Variants in LRRK1 observed in about 807,000 individuals in gnomAD.
The protein encoded by LRRK1 is leucine rich repeat kinase 1.
LRRK1 carries 113 observed loss-of-function variants against 209.1 expected under a neutral mutation model. The observed-to-expected ratio is 0.54, with a 90% confidence interval of 0.46 to 0.63. The LOEUF (loss-of-function observed/expected upper bound fraction) is 0.63. Ranked by LOEUF, LRRK1 falls within the 30% of genes least tolerant of loss-of-function variation. The pLI is 0.00. For missense variants in LRRK1, 2,284 were observed against 2,632.2 expected, an observed-to-expected ratio of 0.87 and a Z score of 2.89; for synonymous variants, 1,144 against 1,099.7, an observed-to-expected ratio of 1.04 and a Z score of -0.80.
intron 2 of LRRK1, among the ~76,000 whole-genome samples, chr15:100,952,624 C>A (rs78409503): frequency 0.067 from 10,161 of 151,768 alleles, 598 homozygotes; most frequent in African/African-American, 0.16. Context: ...CTCACAGGAC[C>A]TGACTCCTGC....
intron 20 of LRRK1, among the ~76,000 whole-genome samples, chr15:101,032,409 C>T (rs1046358961): frequency 3.3e-5 from 5 of 151,662 alleles, no homozygotes; most frequent in African/African-American, 1.2e-4. Context: ...AGGTGTATCT[C>T]CTAATGCTAT....
chr15:101,031,502 C>T (rs888854549), intron 20 of LRRK1, among the ~76,000 whole-genome samples: 2 of 152,204 alleles, frequency 1.3e-5, no homozygotes, highest in Non-Finnish European at 2.9e-5. Flanking sequence ...TGTTTATCCA[C>T]TCAGCTCTTG....
At chr15:101,009,434 G>C (rs1392664255) in intron 7 of LRRK1, among the ~76,000 whole-genome samples, 5 of 152,186 alleles carry the variant, frequency 3.3e-5, no homozygotes, top group Non-Finnish European at 5.9e-5. Flanking sequence ...AAGGGCCTCA[G>C]AGAAAGGGTT....
chr15:100,975,217 G>A (rs1285794528), intron 3 of LRRK1, among the ~76,000 whole-genome samples: 2 of 152,250 alleles, frequency 1.3e-5, no homozygotes, highest in African/African-American at 4.8e-5. Context: ...GGGAGGAGCT[G>A]GGCAGCAAAC....
chr15:100,965,972 A>C (rs2030428360), intron 2 of LRRK1, among the ~76,000 whole-genome samples: 1 of 152,220 alleles, frequency 6.6e-6, no homozygotes, highest in Non-Finnish European at 1.5e-5. Context: ...TGTTATTGAA[A>C]TAGAATGTTT....
At chr15:101,051,352 G>A (rs1045082777) in intron 23 of LRRK1, among the ~76,000 whole-genome samples, 19 of 152,320 alleles carry the variant, frequency 1.2e-4, no homozygotes, top group Admixed American at 1.0e-3. Context: ...CCCCACTGCC[G>A]TGATGGTTGG....
chr15:101,005,577 C>T (rs1466572542), intron 6 of LRRK1, among the ~76,000 whole-genome samples: 1 of 152,220 alleles, frequency 6.6e-6, no homozygotes, highest in African/African-American at 2.4e-5. Context: ...GAGCACACCT[C>T]ACACCCAGAT....
intron 3 of LRRK1, among the ~76,000 whole-genome samples, chr15:100,982,036 C>T (rs2141662369): frequency 6.6e-6 from 1 of 152,328 alleles, no homozygotes; most frequent in Admixed American, 6.5e-5. Context: ...ACAGTAGATC[C>T]TCAGTAGGTG....
chr15:101,015,988 C>CTT (rs112045047), intron 12 of LRRK1, among the ~76,000 whole-genome samples: 1 of 143,300 alleles, frequency 7.0e-6, no homozygotes. Flanking sequence ...TCTTCCTCTT[C>CTT]TTTTTTTTTT....
chr15:101,057,128 C>G, intron 28 of LRRK1, 78 bp downstream of exon 28: 1 of 1,324,766 alleles, frequency 7.5e-7, no homozygotes, highest in South Asian at 1.5e-5. Flanking sequence ...GGGTGTGTGC[C>G]TGGCTGCCCA....
In LRRK1 at chr15:100,974,960, T is replaced by C. The variant is rs148497379; in HGVS notation, c.261+993T>C. Among the ~76,000 whole-genome samples the C allele has an allele frequency of 7.4e-3, 1,125 of 152,336 alleles. 50 individuals are homozygous for C. Among genetic ancestry groups the C allele is most frequent in the Admixed American group, 0.068 (1,045 of 15,302 alleles). On this transcript the variant is annotated intron_variant, in intron 3 of 33. Transcript: ENST00000388948. ...ACAGGCTTAACATGCCTCCATTTAATTGATAGTTAGAATTCATTCAATTCC... is the reference window on the plus strand; with the variant it reads ...ACAGGCTTAACATGCCTCCATTTAACTGATAGTTAGAATTCATTCAATTCC...
At chr15:100,941,021 A>G (rs1055631464) in intron 2 of LRRK1, among the ~76,000 whole-genome samples, 3 of 152,192 alleles carry the variant, frequency 2.0e-5, no homozygotes, top group Admixed American at 6.5e-5. Context: ...CAGTGGTGAA[A>G]TATGACACAG....
rs2036883422 is a variant in LRRK1 at position 101,073,682 on chromosome 15, C to T, written c.*4834C>T. The T allele has an allele frequency of 6.6e-6, 1 of 151,956 alleles. No individual in the cohort carries two copies. Among genetic ancestry groups the T allele is most frequent in the Non-Finnish European group, 1.5e-5 (1 of 68,020 alleles). 9.4% of individuals were successfully genotyped at this position (151,956 alleles called of 1,614,324 possible). A position where few individuals can be genotyped will look rare whatever the true frequency, so the allele number is the denominator to read the frequency against. ...TGATCCCTTATTTCCACATCCCGAC[C>T]TCGTATCTCTGCACCCCGACCCCTT... On this transcript the variant is annotated 3_prime_UTR_variant, in exon 34 of 34. Coordinates refer to ENST00000388948, the MANE Select transcript of LRRK1 (RefSeq NM_024652.6).
intron 29 of LRRK1, among the ~76,000 whole-genome samples, chr15:101,060,659 C>T (rs1316617106): frequency 1.3e-5 from 2 of 152,264 alleles, no homozygotes; most frequent in East Asian, 1.9e-4. Flanking sequence ...TCAGGATGCC[C>T]GCCACAGCCT....
intron 20 of LRRK1, among the ~76,000 whole-genome samples, chr15:101,036,444 A>G (rs2034495962): frequency 1.3e-5 from 2 of 151,994 alleles, no homozygotes; most frequent in Non-Finnish European, 2.9e-5. Flanking sequence ...CAGAATTTCC[A>G]TTTGGTTTTT....
rs1234834746 is a variant in LRRK1, at chr15:101,012,003, CTT to C, written c.1282-4_1282-3del. The C allele has an allele frequency of 1.9e-6, 3 of 1,590,894 alleles. No individual in the cohort carries two copies. In the African/African-American group the frequency reaches 4.1e-5, roughly 22 times the overall value. On this transcript the variant is annotated splice_region_variant and splice_polypyrimidine_tract_variant and intron_variant, in intron 9 of 33. Coordinates refer to ENST00000388948, the MANE Select transcript of LRRK1 (RefSeq NM_024652.6). ...ATACATTTTTTTTTCTCGTCAATCT[CTT>C]AGAAATGTTGTAAAGCTTCCAGAAA...
intron 20 of LRRK1, among the ~76,000 whole-genome samples, chr15:101,034,384 G>T (rs1462974435): frequency 6.6e-6 from 1 of 151,932 alleles, no homozygotes; most frequent in South Asian, 2.1e-4. Context: ...TTATAGTTTG[G>T]GGTCTTAAAT....
chr15:101,072,943 TGGCGCGGGG>T lies in LRRK1; in HGVS notation c.*4098_*4106del, dbSNP rs1462339691. 2 of 121,336 alleles carry T rather than the reference TGGCGCGGGG, an allele frequency of 1.6e-5. No homozygotes were observed. The highest frequency in any genetic ancestry group is 2.2e-4 in the East Asian group (1 of 4,628). The allele number at this position is 121,336 out of a possible 1,614,324, so 7.5% of individuals were successfully genotyped here. A position where few individuals can be genotyped will look rare whatever the true frequency, so the allele number is the denominator to read the frequency against. ...CGTGCATTAAATTTGGTGCCGTAAC[TGGCGCGGGG>T]GGAGGGGGGGGGGAACCTCCCTTGG... On this transcript the variant is annotated 3_prime_UTR_variant, in exon 34 of 34. Transcript: ENST00000388948.
intron 28 of LRRK1, 26 bp downstream of exon 28, chr15:101,057,076 C>T (rs369361617): frequency 6.5e-7 from 1 of 1,541,986 alleles, no homozygotes; most frequent in Non-Finnish European, 8.8e-7. Flanking sequence ...GAGCCCAGGG[C>T]CTGGGACCTC....
Sources: gnomAD v4.1 joint callset for allele counts (sites outside exome capture counted in the v4.1 genomes callset) on GRCh38, gnomAD v4.1.1 for gene constraint, MANE v1.5 for transcripts, NCBI Gene and HGNC (gene_info 2026-07-23, HGNC 2026-07-21) for gene names.